Variants in CACNA1B observed in about 807,000 individuals in gnomAD.
CACNA1B encodes the protein voltage-dependent N-type calcium channel subunit alpha-1B.
A neutral mutation model predicts 247.2 loss-of-function variants in CACNA1B; 70 were observed. The observed-to-expected ratio is 0.28, with a 90% CI of 0.23 to 0.35. The LOEUF (loss-of-function observed/expected upper bound fraction) is 0.35, where lower values mean the gene tolerates loss of function less well. Among genes scored for constraint, CACNA1B ranks in the 10% least tolerant of loss-of-function variants. CACNA1B has a pLI of 1.00. For synonymous variants in CACNA1B, 1,231 were observed against 1,294.4 expected (o/e 0.95, Z 1.05); for missense variants, 2,367 against 3,197.4 (o/e 0.74, Z 6.26).
intron 11 of CACNA1B, among the ~76,000 whole-genome samples, chr9:137,975,532 G>T (rs1400139984): frequency 6.6e-6 from 1 of 152,206 alleles, no homozygotes; most frequent in Admixed American, 6.5e-5. Context: ...CTGTAGCTGG[G>T]CCTCTCCTTG....
intron 6 of CACNA1B, among the ~76,000 whole-genome samples, chr9:137,931,345 C>T (rs751411036): frequency 8.5e-5 from 13 of 152,192 alleles, no homozygotes; most frequent in South Asian, 2.1e-4. Context: ...AAGACCAGGC[C>T]CTCTACCATT....
chr9:138,047,484 C>G (rs1959194135), intron 23 of CACNA1B, 26 bp downstream of exon 23: 1 of 1,568,152 alleles, frequency 6.4e-7, no homozygotes, highest in South Asian at 1.1e-5. Flanking sequence ...GCCCTTGTGA[C>G]CCCAGTGTTT....
rs529866247 is a variant in CACNA1B, at chr9:138,020,690, G to A, written c.2268-2321G>A. On this transcript the variant is annotated intron_variant, in intron 18 of 46. Transcript: ENST00000371372. This position sits in a 1 kb window ranked among gnomAD's most constrained non-coding sequence, Gnocchi z 4.1. ...GCGGGGGGCGGGCAGGTGCCCTAGC[G>A]TAGGCTGCTCAGCATGTTGCTCTGC... 7.9e-5 allele frequency among the ~76,000 whole-genome samples: 12 copies of A among 152,320 alleles called. No homozygotes were observed. The South Asian group carries it at 1.2e-3, about 16-fold the overall frequency.
At chr9:138,005,551 A>T (rs921408526) in intron 15 of CACNA1B, among the ~76,000 whole-genome samples, 8 of 152,228 alleles carry the variant, frequency 5.3e-5, no homozygotes, top group Admixed American at 1.3e-4. Flanking sequence ...ATAGCATGGT[A>T]GGGTGACTAT....
chr9:137,898,123 G>A (rs1349451014), intron 3 of CACNA1B, among the ~76,000 whole-genome samples: 1 of 152,086 alleles, frequency 6.6e-6, no homozygotes, highest in East Asian at 1.9e-4. Context: ...TTTTCTTTCA[G>A]CATGTGAAAA....
chr9:138,002,565 T>A (rs898069549), intron 15 of CACNA1B, among the ~76,000 whole-genome samples: 1,231 of 114,796 alleles, frequency 0.011, 17 homozygotes, highest in African/African-American at 0.038. Flanking sequence ...AAAAAAAAAA[T>A]AGCTGATGGT....
intron 3 of CACNA1B, among the ~76,000 whole-genome samples, chr9:137,894,592 T>C (rs1439021610): frequency 6.6e-6 from 1 of 152,074 alleles, no homozygotes; most frequent in African/African-American, 2.4e-5. Context: ...GTATTTTTAG[T>C]AGAGACGGGG....
intron 18 of CACNA1B, chr9:138,017,159 G>T: frequency 1.9e-6 from 1 of 519,056 alleles, no homozygotes; most frequent in Non-Finnish European, 3.8e-6. Context: ...CAAGCTCGAG[G>T]TACTGTATCT....
chr9:137,908,760 A>G (rs558533012), intron 3 of CACNA1B, among the ~76,000 whole-genome samples: 5 of 150,488 alleles, frequency 3.3e-5, no homozygotes, highest in African/African-American at 1.2e-4. Context: ...CCTTCCGAGT[A>G]GCTGGGACTA....
At position 138,121,152 on chromosome 9, in the gene CACNA1B, A is replaced by G. The variant is rs9696799; in HGVS notation, c.6489+271A>G. ...TTCGGACCTGGGCCCCCAAATACTT[A>G]CCTCTCTCTCGGTCACTTAACTCTC... On this transcript the variant is annotated intron_variant, in intron 46 of 46. Transcript: ENST00000371372. This position sits in a 1 kb window ranked among gnomAD's most constrained non-coding sequence, Gnocchi z 6.8. Among the ~76,000 whole-genome samples the G allele has an allele frequency of 0.82, 123,816 of 151,660 alleles. 51,047 individuals carry two copies. The highest frequency in any genetic ancestry group is 0.89 in the Middle Eastern group (262 of 294).
intron 3 of CACNA1B, among the ~76,000 whole-genome samples, chr9:137,905,125 C>T (rs907229298): frequency 2.6e-5 from 4 of 152,002 alleles, no homozygotes; most frequent in South Asian, 2.1e-4. Flanking sequence ...GAGGCCGAGG[C>T]GGGTGGATCA....
Position 138,012,085 on chromosome 9 carries a change from A to G in CACNA1B, c.2161-1044A>G, listed in dbSNP as rs1958730894. Among the ~76,000 whole-genome samples, 1 of 152,240 alleles carries G rather than the reference A, an allele frequency of 6.6e-6. No homozygotes were observed. Among genetic ancestry groups the G allele is most frequent in the Admixed American group, 6.5e-5 (1 of 15,284 alleles). ...CAGAGGAAACTGCACCTGCCTGCAC[A>G]TGTGCACATGCCCAGCCCTGAGGGC... On this transcript the variant is annotated intron_variant, in intron 17 of 46. Coordinates refer to ENST00000371372, the MANE Select transcript of CACNA1B (RefSeq NM_000718.4). The surrounding 1 kb of genome is among the most constrained non-coding windows in gnomAD (Gnocchi z 4.2).
chr9:138,081,094 G>A (rs981330920), intron 36 of CACNA1B, among the ~76,000 whole-genome samples: 14 of 152,164 alleles, frequency 9.2e-5, no homozygotes, highest in African/African-American at 3.4e-4. Flanking sequence ...GACATCTGGT[G>A]CTGTAAGAAC....
chr9:137,929,509 A>G (rs797013164), intron 6 of CACNA1B, among the ~76,000 whole-genome samples: 3 of 152,318 alleles, frequency 2.0e-5, no homozygotes, highest in African/African-American at 7.2e-5. Flanking sequence ...GAGCCAGGAT[A>G]GCGCCACTGC....
rs117893080 is a variant in CACNA1B at position 138,057,364 on chromosome 9, C to A, written c.3969-368C>A. ...CTTTACGTTCTCGGCGTCCTCTGAG[C>A]ACAGAAGTGTCCGATTTGATGCGGC... is the stretch of plus-strand genomic sequence containing the variant. On this transcript the variant is annotated intron_variant, in intron 26 of 46. Coordinates refer to ENST00000371372, the MANE Select transcript of CACNA1B (RefSeq NM_000718.4). This position sits in a 1 kb window ranked among gnomAD's most constrained non-coding sequence, Gnocchi z 4.0. Among the ~76,000 whole-genome samples, 24 of 152,306 alleles carry A rather than the reference C, an allele frequency of 1.6e-4. No individual in the cohort carries two copies. In the East Asian group the frequency reaches 4.4e-3, roughly 28 times the overall value.
intron 6 of CACNA1B, among the ~76,000 whole-genome samples, chr9:137,929,478 C>T (rs980905555): frequency 6.6e-6 from 1 of 152,112 alleles, no homozygotes; most frequent in African/African-American, 2.4e-5. Context: ...TCACTTGAGC[C>T]CAGGAGCTGG....
At chr9:137,890,992 C>T (rs1957090950) in intron 3 of CACNA1B, 1 of 152,326 alleles carries the variant, frequency 6.6e-6, no homozygotes, top group Non-Finnish European at 1.5e-5. Context: ...ATCTTTCCAG[C>T]TCTGCCTGTG....
At chr9:138,027,591 T>G (rs1958937241) in intron 20 of CACNA1B, among the ~76,000 whole-genome samples, 1 of 152,136 alleles carries the variant, frequency 6.6e-6, no homozygotes, top group African/African-American at 2.4e-5. Flanking sequence ...TGTGTCTGTT[T>G]GTGTGTGTGT....
At chr9:138,068,718 C>T in intron 31 of CACNA1B, 1 of 484,432 alleles carries the variant, frequency 2.1e-6, no homozygotes, top group South Asian at 1.5e-5. Flanking sequence ...GCCTCCTTTC[C>T]AAGAGGGGCG....
Sources: gnomAD v4.1 joint callset for allele counts (sites outside exome capture counted in the v4.1 genomes callset) on GRCh38, gnomAD v4.1.1 for gene constraint, Gnocchi (gnomAD v3.1) non-coding constraint, MANE v1.5 for transcripts, NCBI Gene and HGNC (gene_info 2026-07-23, HGNC 2026-07-21) for gene names.